The following C4orf50 variants were observed in gnomAD, a reference collection of about 807,000 sequenced individuals.
The protein encoded by C4orf50 is uncharacterized protein C4orf50.
A neutral mutation model predicts 77.2 loss-of-function variants in C4orf50; 80 were observed. That is an observed-to-expected ratio of 1.04 (90% CI 0.87 to 1.25). The LOEUF (loss-of-function observed/expected upper bound fraction) is 1.25. Ranked by LOEUF, C4orf50 falls within the 50% of genes most tolerant of loss-of-function variation. C4orf50 has a pLI of 0.00. For missense variants in C4orf50, 1,257 were observed against 1,152.9 expected, an observed-to-expected ratio of 1.09 and a Z score of -1.31; for synonymous variants, 532 against 465.3, an observed-to-expected ratio of 1.14 and a Z score of -1.84.
Position 6,000,871 on chromosome 4 carries a change from T to TC in C4orf50, c.964-6396dup, listed in dbSNP as rs1211597877. ...CCATATTACCGTCTGAATTTTCATG[T>TC]CCCCCCAAAACTCATCCGTTAAAAC... On this transcript the variant is annotated intron_variant, in intron 25 of 33. Transcript: ENST00000531445. The surrounding 1 kb of genome is among the most constrained non-coding windows in gnomAD (Gnocchi z 6.0). Among the ~76,000 whole-genome samples, 1 of 151,956 alleles carries TC rather than the reference T, an allele frequency of 6.6e-6. No homozygotes were observed. The highest frequency in any genetic ancestry group is 1.5e-5 in the Non-Finnish European group (1 of 67,994).
chr4:5,973,356 C>T (rs2108774689), intron 31 of C4orf50, among the ~76,000 whole-genome samples: 1 of 152,358 alleles, frequency 6.6e-6, no homozygotes, highest in South Asian at 2.1e-4. Context: ...GCACAAAAGA[C>T]CCATCCTGTG....
intron 7 of C4orf50, among the ~76,000 whole-genome samples, chr4:5,929,274 A>G (rs1717655094): frequency 1.3e-5 from 2 of 152,204 alleles, no homozygotes; most frequent in Non-Finnish European, 2.9e-5. Flanking sequence ...AAAGGTGTGA[A>G]TATTTTTCAG....
Position 5,986,792 on chromosome 4 carries a change from C to A in C4orf50, c.3699+1555G>T, listed in dbSNP as rs1355281783. Among the ~76,000 whole-genome samples the A allele has an allele frequency of 3.3e-5, 5 of 152,190 alleles. No homozygotes were observed. In the South Asian group the frequency reaches 1.0e-3, roughly 32 times the overall value. ...GACCTCATGATCCGCCCTCCTTGGC[C>A]TCTCAAAGTGCTGGGATTACAGGCA... On this transcript the variant is annotated intron_variant, in intron 28 of 33. Coordinates refer to ENST00000531445, the Ensembl canonical transcript of C4orf50.
Position 5,970,088 on chromosome 4 carries a change from G to A in C4orf50, c.4105-2626C>T, listed in dbSNP as rs1279349353. ...GGGACGATGTAACTGAATACAAACA[G>A]CAAAGGTGTCTCATTTCATGCTTGT... On this transcript the variant is annotated intron_variant, in intron 31 of 33. Coordinates refer to ENST00000531445, the Ensembl canonical transcript of C4orf50. The surrounding 1 kb of genome is among the most constrained non-coding windows in gnomAD (Gnocchi z 4.3). Among the ~76,000 whole-genome samples the A allele has an allele frequency of 2.0e-5, 3 of 151,474 alleles. No individual in the cohort carries two copies. The highest frequency in any genetic ancestry group is 1.3e-4 in the Admixed American group (2 of 15,216).
chr4:5,970,067 C>T lies in C4orf50; in HGVS notation c.4105-2605G>A, dbSNP rs1464818004. Among the ~76,000 whole-genome samples the T allele has an allele frequency of 6.6e-6, 1 of 151,116 alleles. No homozygotes were observed. The highest frequency in any genetic ancestry group is 1.5e-5 in the Non-Finnish European group (1 of 67,934). On this transcript the variant is annotated intron_variant, in intron 31 of 33. Coordinates refer to ENST00000531445, the Ensembl canonical transcript of C4orf50. The surrounding 1 kb of genome is among the most constrained non-coding windows in gnomAD (Gnocchi z 4.3). ...AGGTCTCAGGGACGGGGAAAGGGGA[C>T]GATGTAACTGAATACAAACAGCAAA...
Position 6,008,317 on chromosome 4 carries a change from GC to G in C4orf50, c.641del (p.Arg214ProfsTer72). On this transcript the variant is annotated frameshift_variant, in exon 25 of 34. Transcript: ENST00000531445. LOFTEE classifies it high-confidence loss of function. The surrounding 1 kb of genome is among the most constrained non-coding windows in gnomAD (Gnocchi z 6.0). ...ACTGGGCCAGCAGGAGGCCCGCGGC[GC>G]GGCAGAGGCGCCGCACGTTGCGCTC... The G allele has an allele frequency of 2.6e-6, 1 of 388,450 alleles. No homozygotes were observed. The highest frequency in any genetic ancestry group is 4.5e-5 in the Admixed American group (1 of 22,360). The allele number at this position is 388,450 out of a possible 1,614,324, so 24.1% of individuals were successfully genotyped here. A position where few individuals can be genotyped will look rare whatever the true frequency, so the allele number is the denominator to read the frequency against.
chr4:5,904,805 TATA>T (rs776759051), intron 7 of C4orf50: 2 of 152,234 alleles, frequency 1.3e-5, no homozygotes, highest in Non-Finnish European at 2.9e-5. Flanking sequence ...TCAGCAGCTC[TATA>T]ATATCAAGAT....
At chr4:5,996,175 G>A (rs903683629) in intron 25 of C4orf50, among the ~76,000 whole-genome samples, 4 of 152,146 alleles carry the variant, frequency 2.6e-5, no homozygotes, top group African/African-American at 7.2e-5. Context: ...GTCCCAGCGC[G>A]TCCGTGCTCT....
intron 7 of C4orf50, among the ~76,000 whole-genome samples, chr4:5,942,684 G>A (rs535806392): frequency 6.6e-6 from 1 of 152,304 alleles, no homozygotes; most frequent in South Asian, 2.1e-4. Flanking sequence ...TTTTATTTAG[G>A]AAGAAATGGA....
intron 25 of C4orf50, among the ~76,000 whole-genome samples, chr4:6,003,832 T>G (rs1721985236): frequency 1.3e-5 from 1 of 78,866 alleles, no homozygotes; most frequent in African/African-American, 5.0e-5. Context: ...GTGATGGTGA[T>G]GATGTGATAG....
At chr4:5,993,773 C>T (rs1159404841) in intron 26 of C4orf50, among the ~76,000 whole-genome samples, 1 of 151,448 alleles carries the variant, frequency 6.6e-6, no homozygotes, top group East Asian at 1.9e-4. Flanking sequence ...GCCGAGATCA[C>T]ACAACTGTAC....
intron 7 of C4orf50, among the ~76,000 whole-genome samples, chr4:5,941,277 C>A (rs1718250909): frequency 6.6e-6 from 1 of 152,198 alleles, no homozygotes; most frequent in South Asian, 2.1e-4. Flanking sequence ...TAAGTACTAT[C>A]ATTGTCCCTA....
chr4:5,938,263 G>T lies in C4orf50; in HGVS notation c.*2474+18638C>A, dbSNP rs565970795. On this transcript the variant is annotated intron_variant, in intron 7 of 7. Transcript: ENST00000324058. ...GATGGAATTAAAACATAAATAATAA[G>T]AACAAAATACAGAAAATCCCACATA... 3.3e-5 allele frequency among the ~76,000 whole-genome samples: 5 copies of T among 152,236 alleles called. No homozygotes were observed. In the Middle Eastern group the frequency reaches 0.01, roughly 311 times the overall value.
exon 33 of C4orf50, chr4:5,965,133 A>C: frequency 6.2e-7 from 1 of 1,612,800 alleles, no homozygotes; most frequent in Non-Finnish European, 8.5e-7. Flanking sequence ...AGGATTCAAG[A>C]GGTATGTCTG....
In C4orf50 at chr4:5,992,273, G is replaced by A. The variant is rs767920052; in HGVS notation, c.1221+530C>T. Among the ~76,000 whole-genome samples the A allele has an allele frequency of 1.1e-4, 17 of 152,318 alleles. No homozygotes were observed. Among genetic ancestry groups the A allele is most frequent in the Admixed American group, 2.6e-4 (4 of 15,304 alleles). ...CAACCACACAACCACAGCCGGGCTC[G>A]CGGGTCCCAGCACAGCTCTGTTCCT... is the stretch of plus-strand genomic sequence containing the variant. On this transcript the variant is annotated intron_variant, in intron 27 of 33. Transcript: ENST00000531445. This position sits in a 1 kb window ranked among gnomAD's most constrained non-coding sequence, Gnocchi z 5.0.
chr4:5,913,242 G>C (rs986577941), intron 7 of C4orf50, among the ~76,000 whole-genome samples: 6 of 152,190 alleles, frequency 3.9e-5, no homozygotes, highest in African/African-American at 1.4e-4. Flanking sequence ...GAGATACTCA[G>C]AGGCCTTAGC....
chr4:6,003,255 C>A (rs1157597759), intron 25 of C4orf50, among the ~76,000 whole-genome samples: 1 of 152,198 alleles, frequency 6.6e-6, no homozygotes, highest in African/African-American at 2.4e-5. Context: ...TCAGGCAGCT[C>A]AATGGTGACA....
intron 7 of C4orf50, chr4:5,903,800 G>C (rs1051417645): frequency 1.6e-4 from 24 of 152,184 alleles, no homozygotes; most frequent in African/African-American, 5.5e-4. Context: ...ATACGTTTTA[G>C]AGTTTTAGAG....
chr4:5,941,882 G>A (rs1427349193), intron 7 of C4orf50, among the ~76,000 whole-genome samples: 8 of 152,114 alleles, frequency 5.3e-5, no homozygotes, highest in African/African-American at 1.2e-4. Flanking sequence ...TCCTTGGGGC[G>A]GTAGGTTCCA....
Sources: gnomAD v4.1 joint callset for allele counts (sites outside exome capture counted in the v4.1 genomes callset) on GRCh38, gnomAD v4.1.1 for gene constraint, Gnocchi (gnomAD v3.1) non-coding constraint, MANE v1.5 for transcripts, NCBI Gene and HGNC (gene_info 2026-07-23, HGNC 2026-07-21) for gene names.